The following LEPROT variants were observed in gnomAD, a reference collection of about 807,000 sequenced individuals.
The protein encoded by LEPROT is leptin receptor gene-related protein.
Under a neutral mutation model 15.4 loss-of-function variants are expected in LEPROT, and 3 were observed. That is an observed-to-expected ratio of 0.19 (90% CI 0.09 to 0.50). The LOEUF is 0.50. Ranked by LOEUF, LEPROT falls within the 20% of genes least tolerant of loss-of-function variation. The pLI, the probability that LEPROT is intolerant of heterozygous loss-of-function variation, is 0.97. For missense variants in LEPROT, 137 were observed against 162.2 expected, an observed-to-expected ratio of 0.84 and a Z score of 0.84; for synonymous variants, 59 against 57.5, an observed-to-expected ratio of 1.03 and a Z score of -0.12.
Position 65,426,173 on chromosome 1 carries a change from A to T in LEPROT, c.92+795A>T, listed in dbSNP as rs369762127. Among the ~76,000 whole-genome samples, 12 of 152,324 alleles carry T rather than the reference A, an allele frequency of 7.9e-5. 1 individual carries two copies. The highest frequency in any genetic ancestry group is 3.3e-4 in the Admixed American group (5 of 15,306). Reference sequence around the variant, plus strand: ...TGTCAAGAAAATCAGCAAGCAGGCCATACAGATCTCTAGGGAAAAAGCACT... The same window carrying T: ...TGTCAAGAAAATCAGCAAGCAGGCCTTACAGATCTCTAGGGAAAAAGCACT... On this transcript the variant is annotated intron_variant, in intron 2 of 3. Coordinates refer to ENST00000371065, the MANE Select transcript of LEPROT (RefSeq NM_017526.5).
At chr1:65,422,786 G>A (rs193095702) in intron 1 of LEPROT, among the ~76,000 whole-genome samples, 1 of 152,212 alleles carries the variant, frequency 6.6e-6, no homozygotes, top group African/African-American at 2.4e-5. Context: ...GAAGCTGGCT[G>A]GACAGGCAGT....
At chr1:65,421,505 C>T in intron 1 of LEPROT, 1 of 1,534,686 alleles carries the variant, frequency 6.5e-7, no homozygotes, top group Non-Finnish European at 8.7e-7. Flanking sequence ...AGTAGCATGA[C>T]TTGTTTTTAT....
At position 65,423,240 on chromosome 1, in the gene LEPROT, C is replaced by T. The variant is rs537982590; in HGVS notation, c.17-2063C>T. On this transcript the variant is annotated intron_variant, in intron 1 of 3. Transcript: ENST00000371065. ...CTGGAGCATCAGTTGCGGCCGGGCC[C>T]TTGTGGTAGTAGGAGCTTTGGGTTG... 1.2e-4 allele frequency among the ~76,000 whole-genome samples: 19 copies of T among 152,124 alleles called. No homozygotes were observed. In the Middle Eastern group the frequency reaches 0.01, roughly 82 times the overall value.
chr1:65,433,776 A>G lies in LEPROT; in HGVS notation c.*1857A>G. 1.1e-6 allele frequency: 1 copy of G among 934,046 alleles called. No individual in the cohort carries two copies. Among genetic ancestry groups the G allele is most frequent in the Non-Finnish European group, 1.3e-6 (1 of 783,510 alleles). The allele number at this position is 934,046 out of a possible 1,614,324, so 57.9% of individuals were successfully genotyped here. ...TAATAATGACACTTGCATTTATTGT[A>G]TTGTAATAAATTTCACTTTTAACTT... is the stretch of plus-strand genomic sequence containing the variant. On this transcript the variant is annotated 3_prime_UTR_variant, in exon 4 of 4. Transcript: ENST00000371065.
At chr1:65,431,488 C>T (rs991268128) in intron 3 of LEPROT, among the ~76,000 whole-genome samples, 1 of 152,100 alleles carries the variant, frequency 6.6e-6, no homozygotes, top group African/African-American at 2.4e-5. Flanking sequence ...CTTTCAGTAC[C>T]CAATATTGTA....
At chr1:65,425,863 G>A (rs1181740189) in intron 2 of LEPROT, among the ~76,000 whole-genome samples, 1 of 152,176 alleles carries the variant, frequency 6.6e-6, no homozygotes, top group Admixed American at 6.5e-5. Flanking sequence ...AGTCAGGGGA[G>A]GACATTCCAG....
chr1:65,428,277 A>G (rs4468199), intron 2 of LEPROT, among the ~76,000 whole-genome samples: 16,588 of 152,210 alleles, frequency 0.11, 1,078 homozygotes, highest in African/African-American at 0.17. Context: ...ACTATGAATG[A>G]AAACATAGAG....
In LEPROT at chr1:65,428,526, A is replaced by G. The variant is rs542454410; in HGVS notation, c.93-1336A>G. On this transcript the variant is annotated intron_variant, in intron 2 of 3. Coordinates refer to ENST00000371065, the MANE Select transcript of LEPROT (RefSeq NM_017526.5). ...AGTTTAAAATCAGGGGTCCAAATCC[A>G]CTGTTTCCATCCTGAGTCCTCTTGA... is the stretch of plus-strand genomic sequence containing the variant. Among the ~76,000 whole-genome samples the G allele has an allele frequency of 2.6e-5, 4 of 152,278 alleles. No individual in the cohort carries two copies. The South Asian group carries it at 6.2e-4, about 24-fold the overall frequency.
At position 65,433,910 on chromosome 1, in the gene LEPROT, G is replaced by C; in HGVS notation, c.*1991G>C. ...AATGGGCAGTTTTGAGCAATAATCTGTCCTAACAGAACAGTAGCAATAAGT... is the reference window on the plus strand; with the variant it reads ...AATGGGCAGTTTTGAGCAATAATCTCTCCTAACAGAACAGTAGCAATAAGT... On this transcript the variant is annotated 3_prime_UTR_variant, in exon 4 of 4. Coordinates refer to ENST00000371065, the MANE Select transcript of LEPROT (RefSeq NM_017526.5). 1 of 985,122 alleles carries C rather than the reference G, an allele frequency of 1.0e-6. No individual in the cohort carries two copies. The highest frequency in any genetic ancestry group is 1.2e-6 in the Non-Finnish European group (1 of 829,662). The allele number at this position is 985,122 out of a possible 1,614,324, so 61.0% of individuals were successfully genotyped here. A position where few individuals can be genotyped will look rare whatever the true frequency, so the allele number is the denominator to read the frequency against.
At position 65,429,872 on chromosome 1, in the gene LEPROT, C is replaced by T. The variant is rs750265116; in HGVS notation, c.103C>T (p.Pro35Ser). ...CALEDYGVYW[P>S]LFVLIFHAIS... is the part of the protein sequence containing the mutation. The stretch of plus-strand genomic sequence containing the variant: ...GGGTCCAACTGACAGCGTTTACTGG[C>T]CCTTATTCGTCCTGATTTTCCACGC... The change falls in exon 3 of 4, where the codon CCC becomes TCC. Residue 35 changes from proline to serine, a missense_variant. Pro to Ser is a moderately conservative substitution (Grantham distance 74, BLOSUM62 -1). Transcript: ENST00000371065. 6.7e-7 allele frequency: 1 copy of T among 1,498,204 alleles called. No homozygotes were observed. The highest frequency in any genetic ancestry group is 9.0e-7 in the Non-Finnish European group (1 of 1,105,354). The allele number at this position is 1,498,204 out of a possible 1,614,324, so 92.8% of individuals were successfully genotyped here.
chr1:65,422,548 G>A (rs4655802), intron 1 of LEPROT, among the ~76,000 whole-genome samples: 92,810 of 152,042 alleles, frequency 0.61, 28,531 homozygotes, highest in East Asian at 0.86. Context: ...AGGTGGGATT[G>A]ATTCCCCTGC....
chr1:65,428,097 T>C (rs938911847), intron 2 of LEPROT: 1 of 152,618 alleles, frequency 6.6e-6, no homozygotes, highest in African/African-American at 2.4e-5. Context: ...GTTGAGATAG[T>C]CTTTATGGCT....
chr1:65,428,823 A>C (rs1034787516), intron 2 of LEPROT, among the ~76,000 whole-genome samples: 1 of 152,202 alleles, frequency 6.6e-6, no homozygotes, highest in Admixed American at 6.5e-5. Context: ...GTTGGAAACC[A>C]GATGGCAATT....
chr1:65,425,597 C>T (rs1456484688), intron 2 of LEPROT, among the ~76,000 whole-genome samples: 1 of 152,060 alleles, frequency 6.6e-6, no homozygotes. Flanking sequence ...TTAACACCTA[C>T]TCTGGACTAG....
rs552369138 is a variant in LEPROT, at chr1:65,433,746, A to G, written c.*1827A>G. On this transcript the variant is annotated 3_prime_UTR_variant, in exon 4 of 4. Transcript: ENST00000371065. Reference sequence around the variant, plus strand: ...TAGATACTTTATAATTTTAACCGGCATTTTTAATAATGACACTTGCATTTA... The same window carrying G: ...TAGATACTTTATAATTTTAACCGGCGTTTTTAATAATGACACTTGCATTTA... 1.1e-6 allele frequency: 1 copy of G among 916,934 alleles called. No individual in the cohort carries two copies. The highest frequency in any genetic ancestry group is 6.2e-5 in the Admixed American group (1 of 16,200). The allele number at this position is 916,934 out of a possible 1,614,324, so 56.8% of individuals were successfully genotyped here.
chr1:65,431,940 G>A lies in LEPROT; in HGVS notation c.*21G>A. ...GGTAGCACTTTATTCTGATTACAGT[G>A]CATTGAATTTCTTAGAACTCATACT... On this transcript the variant is annotated 3_prime_UTR_variant, in exon 4 of 4. Coordinates refer to ENST00000371065, the MANE Select transcript of LEPROT (RefSeq NM_017526.5). 1 of 1,606,932 alleles carries A rather than the reference G, an allele frequency of 6.2e-7. No individual in the cohort carries two copies. Among genetic ancestry groups the A allele is most frequent in the Non-Finnish European group, 8.5e-7 (1 of 1,178,000 alleles).
At chr1:65,430,151 C>A in intron 3 of LEPROT, 103 bp downstream of exon 3, 1 of 1,023,738 alleles carries the variant, frequency 9.8e-7, no homozygotes, top group East Asian at 2.7e-5. Context: ...GCTTTATACT[C>A]AAGGCCGTGT....
Position 65,435,663 on chromosome 1 carries a change from A to G in LEPROT, c.*3744A>G. 1.0e-6 allele frequency: 1 copy of G among 985,310 alleles called. No individual in the cohort carries two copies. Among genetic ancestry groups the G allele is most frequent in the Non-Finnish European group, 1.2e-6 (1 of 829,860 alleles). The allele number at this position is 985,310 out of a possible 1,614,324, so 61.0% of individuals were successfully genotyped here. A position where few individuals can be genotyped will look rare whatever the true frequency, so the allele number is the denominator to read the frequency against. On this transcript the variant is annotated 3_prime_UTR_variant, in exon 4 of 4. Coordinates refer to ENST00000371065, the MANE Select transcript of LEPROT (RefSeq NM_017526.5). ...ATTACAGGCCTGAGCCACTGTGCCCAGCCAAAATGTGCCTTTGCAAAGTTT... is the reference window on the plus strand; with the variant it reads ...ATTACAGGCCTGAGCCACTGTGCCCGGCCAAAATGTGCCTTTGCAAAGTTT...
chr1:65,427,739 A>G, intron 2 of LEPROT: 1 of 380,082 alleles, frequency 2.6e-6, no homozygotes, highest in South Asian at 2.0e-5. Flanking sequence ...GCTACTACAA[A>G]TAAGTTTGTT....
Sources: gnomAD v4.1 joint callset for allele counts (sites outside exome capture counted in the v4.1 genomes callset) on GRCh38, gnomAD v4.1.1 for gene constraint, MANE v1.5 for transcripts, NCBI Gene and HGNC (gene_info 2026-07-23, HGNC 2026-07-21) for gene names.